The following MAP3K5 variants were observed in gnomAD, a reference collection of about 807,000 sequenced individuals.
MAP3K5 encodes the protein mitogen-activated protein kinase kinase kinase 5.
A neutral mutation model predicts 158.7 loss-of-function variants in MAP3K5; 56 were observed. The ratio of observed to expected loss-of-function variants is 0.35; its 90% CI spans 0.28 to 0.44. MAP3K5 has a LOEUF of 0.44. Among genes scored for constraint, MAP3K5 ranks in the 20% least tolerant of loss-of-function variants. MAP3K5 has a pLI of 1.00. For synonymous variants in MAP3K5, 579 were observed against 601.7 expected (o/e 0.96, Z 0.55); for missense variants, 1,294 against 1,674.8 (o/e 0.77, Z 3.97).
chr6:136,778,826 A>T (rs796464862), intron 1 of MAP3K5, among the ~76,000 whole-genome samples: 42 of 152,280 alleles, frequency 2.8e-4, no homozygotes, highest in African/African-American at 9.9e-4. Context: ...CAAACAAAAA[A>T]ACTGATCGAC....
rs1562677146 is a variant in MAP3K5, at chr6:136,755,688, C to CAGAAA, written c.449-35100_449-35099insTTTCT. Among the ~76,000 whole-genome samples the CAGAAA allele has an allele frequency of 8.1e-5, 4 of 49,552 alleles. 1 individual carries two copies. Among genetic ancestry groups the CAGAAA allele is most frequent in the Non-Finnish European group, 5.9e-5 (1 of 16,868 alleles). 32.5% of individuals were successfully genotyped at this position (49,552 alleles called of 152,430 possible). On this transcript the variant is annotated intron_variant, in intron 1 of 29. Transcript: ENST00000359015. ...TGGGTGACAGAGCAAGACTCTGTCT[C>CAGAAA]CAAAAAAAAAAAAAAAAAAAAGTTA...
intron 8 of MAP3K5, among the ~76,000 whole-genome samples, chr6:136,661,818 G>A (rs1399321819): frequency 6.6e-6 from 1 of 152,162 alleles, no homozygotes; most frequent in African/African-American, 2.4e-5. Flanking sequence ...TGGGATTACA[G>A]GCATGAACCA....
chr6:136,620,097 C>G (rs1776736402), intron 15 of MAP3K5, among the ~76,000 whole-genome samples: 1 of 152,130 alleles, frequency 6.6e-6, no homozygotes, highest in Non-Finnish European at 1.5e-5. Flanking sequence ...TGGTGAAACT[C>G]TGTCTCTATT....
intron 7 of MAP3K5, among the ~76,000 whole-genome samples, chr6:136,676,668 T>C (rs1299920808): frequency 1.3e-5 from 2 of 152,132 alleles, no homozygotes; most frequent in African/African-American, 4.8e-5. Flanking sequence ...CTAAAAAGCA[T>C]ATTGGCTTGA....
intron 1 of MAP3K5, among the ~76,000 whole-genome samples, chr6:136,775,330 A>T (rs1784363323): frequency 6.6e-6 from 1 of 152,212 alleles, no homozygotes; most frequent in Non-Finnish European, 1.5e-5. Context: ...GCTAAATGGG[A>T]CAATGACAAG....
chr6:136,558,256 A>G (rs1443799447), intron 29 of MAP3K5, among the ~76,000 whole-genome samples: 3 of 151,990 alleles, frequency 2.0e-5, no homozygotes, highest in African/African-American at 4.8e-5. Context: ...GTGGGCGCCT[A>G]TAGTCCCAGC....
chr6:136,615,942 A>C (rs1776543018), intron 15 of MAP3K5, among the ~76,000 whole-genome samples: 1 of 152,212 alleles, frequency 6.6e-6, no homozygotes, highest in Non-Finnish European at 1.5e-5. Context: ...ATTAGTTTAT[A>C]AACATTTAAA....
intron 25 of MAP3K5, among the ~76,000 whole-genome samples, chr6:136,573,348 A>C (rs1403998809): frequency 6.6e-6 from 1 of 152,198 alleles, no homozygotes; most frequent in African/African-American, 2.4e-5. Flanking sequence ...AGGCCTTTGG[A>C]GTCAGACTGA....
Position 136,757,752 on chromosome 6 carries a change from A to T in MAP3K5, c.448+33958T>A, listed in dbSNP as rs550464460. Among the ~76,000 whole-genome samples, 13 of 151,896 alleles carry T rather than the reference A, an allele frequency of 8.6e-5. No homozygotes were observed. In the South Asian group the frequency reaches 2.7e-3, roughly 32 times the overall value. ...CAGGCATGCGCCACCACACCCAGCT[A>T]TTTTTTGTTTTTAGTAGAGATGGGG... On this transcript the variant is annotated intron_variant, in intron 1 of 29. Transcript: ENST00000359015.
Position 136,791,785 on chromosome 6 carries a change from C to G in MAP3K5, c.373G>C (p.Ala125Pro). The G allele has an allele frequency of 6.2e-7, 1 of 1,613,644 alleles. No homozygotes were observed. Among genetic ancestry groups the G allele is most frequent in the Non-Finnish European group, 8.5e-7 (1 of 1,180,030 alleles). Residue 125 changes from alanine (A) to proline (P), a missense_variant, in exon 1 of 30, where the codon GCC becomes CCC. By Grantham distance (27) the Ala-to-Pro change is conservative (BLOSUM62 -1). Around this residue, in one of 5 missense-constraint regions of MAP3K5, gnomAD observed 690 missense variants for 870.5 expected, o/e 0.79. Coordinates refer to ENST00000359015, the MANE Select transcript of MAP3K5 (RefSeq NM_005923.4). ...CCAAAATGCAGGGTTTCCAGGGTGGCGCCCACTGTCTCGCACGCCTCCCGC... is the reference window on the plus strand; with the variant it reads ...CCAAAATGCAGGGTTTCCAGGGTGGGGCCCACTGTCTCGCACGCCTCCCGC... ...SLREACETVG[A>P]TLETLHFGKL... is the part of the protein sequence containing the mutation.
intron 1 of MAP3K5, among the ~76,000 whole-genome samples, chr6:136,744,754 G>C (rs1022964802): frequency 6.6e-6 from 1 of 152,170 alleles, no homozygotes; most frequent in Non-Finnish European, 1.5e-5. Context: ...GCTGCACATT[G>C]TAATCACCTG....
At chr6:136,575,878 C>T (rs966141050) in intron 25 of MAP3K5, among the ~76,000 whole-genome samples, 1 of 152,126 alleles carries the variant, frequency 6.6e-6, no homozygotes, top group Non-Finnish European at 1.5e-5. Flanking sequence ...ACTGTTTTCT[C>T]CTTGTAGTTA....
At position 136,780,679 on chromosome 6, in the gene MAP3K5, A is replaced by T. The variant is rs368894803; in HGVS notation, c.448+11031T>A. Among the ~76,000 whole-genome samples the T allele has an allele frequency of 2.3e-4, 35 of 152,364 alleles. 2 individuals are homozygous for T. Among genetic ancestry groups the T allele is most frequent in the Admixed American group, 9.8e-4 (15 of 15,294 alleles). On this transcript the variant is annotated intron_variant, in intron 1 of 29. Transcript: ENST00000359015. ...GAATGATTTATTTTTCTAAAAAAGA[A>T]AGAGAAGTAAAACAAGTATGTCAAA... is the stretch of plus-strand genomic sequence containing the variant.
chr6:136,639,587 A>C lies in MAP3K5; in HGVS notation c.1890T>G (p.Ser630=). Residue 630 remains serine, a synonymous_variant, in exon 13 of 30, where the codon TCT becomes TCG. Coordinates refer to ENST00000359015, the MANE Select transcript of MAP3K5 (RefSeq NM_005923.4). ...TACAGAAATAGATTTGGAAATCATC[A>C]GAATTGTGAAGCACATAAAGAAAGC... The part of the protein sequence containing the change: ...RCCFLYVLHN[S]DDFQIYFCTE... The C allele has an allele frequency of 1.3e-6, 2 of 1,599,358 alleles. No homozygotes were observed. Among genetic ancestry groups the C allele is most frequent in the Non-Finnish European group, 1.7e-6 (2 of 1,175,448 alleles).
intron 28 of MAP3K5, 141 bp downstream of exon 28, chr6:136,561,392 T>C (rs1830506319): frequency 1.7e-6 from 1 of 589,392 alleles, no homozygotes. Flanking sequence ...ATCACGTGCC[T>C]ACCCTGGTCT....
chr6:136,640,472 T>C (rs1362008683), intron 12 of MAP3K5, among the ~76,000 whole-genome samples: 1 of 152,204 alleles, frequency 6.6e-6, no homozygotes, highest in African/African-American at 2.4e-5. Context: ...TTTTTACTTT[T>C]AAAAGAAACT....
At chr6:136,592,994 C>G (rs1048968280) in intron 21 of MAP3K5, among the ~76,000 whole-genome samples, 1 of 152,070 alleles carries the variant, frequency 6.6e-6, no homozygotes, top group African/African-American at 2.4e-5. Context: ...AATCTTTAAG[C>G]CTGTTCTTCA....
In MAP3K5 at chr6:136,737,041, A is replaced by ATATATATATATATATGTGTG. The variant is rs1562658970; in HGVS notation, c.449-16453_449-16452insCACACATATATATATATATA. On this transcript the variant is annotated intron_variant, in intron 1 of 29. Transcript: ENST00000359015. Reference sequence around the variant, plus strand: ...TTTACATATATATATGTGTGTGTATATATATATATATATATAAACTTAGAT... The same window carrying ATATATATATATATATGTGTG: ...TTTACATATATATATGTGTGTGTATATATATATATATATATGTGTGTATATATATATATATAAACTTAGAT... Among the ~76,000 whole-genome samples, 307 of 143,218 alleles carry ATATATATATATATATGTGTG rather than the reference A, an allele frequency of 2.1e-3. 7 individuals carry two copies. Among genetic ancestry groups the ATATATATATATATATGTGTG allele is most frequent in the African/African-American group, 8.1e-3 (288 of 35,744 alleles). 94.0% of individuals were successfully genotyped at this position (143,218 alleles called of 152,430 possible).
In MAP3K5 at chr6:136,695,977, C is replaced by T; in HGVS notation, c.1056G>A (p.Lys352=). 6.2e-7 allele frequency: 1 copy of T among 1,613,498 alleles called. No homozygotes were observed. The highest frequency in any genetic ancestry group is 8.5e-7 in the Non-Finnish European group (1 of 1,179,642). Residue 352 remains lysine, a synonymous_variant, in exon 6 of 30, where the codon AAG becomes AAA. Transcript: ENST00000359015. The part of the protein sequence containing the change: ...TFDLASHHHV[K]FHYAFALNRR... ...TATTCAGTGCAAATGCATAATGAAA[C>T]TTCACATGGTGATGGGAGGCCAAAT...
Sources: gnomAD v4.1 joint callset for allele counts (sites outside exome capture counted in the v4.1 genomes callset) on GRCh38, gnomAD v4.1.1 for gene constraint, gnomAD v4.1.1 regional missense constraint, MANE v1.5 for transcripts, NCBI Gene and HGNC (gene_info 2026-07-23, HGNC 2026-07-21) for gene names.